GLRA3: variants seen among roughly 807,000 people sequenced by gnomAD.
GLRA3 encodes glycine receptor subunit alpha-3.
GLRA3 carries 44 observed loss-of-function variants against 60.4 expected under a neutral mutation model. The observed-to-expected ratio is 0.73, with a 90% CI of 0.57 to 0.94. The LOEUF (loss-of-function observed/expected upper bound fraction) is 0.94. GLRA3 is among the 40% of genes least tolerant of loss of function. The pLI, the probability that GLRA3 is intolerant of heterozygous loss-of-function variation, is 0.00. For missense variants in GLRA3, 508 were observed against 564.6 expected (o/e 0.90, Z 1.02); for synonymous variants, 223 against 192.9 (o/e 1.16, Z -1.29).
intron 1 of GLRA3, 55 bp from the exon 2 acceptor site, chr4:174,788,998 GT>G (rs1739227827): frequency 8.8e-7 from 1 of 1,139,796 alleles, no homozygotes; most frequent in Non-Finnish European, 1.2e-6. Context: ...TCTAATAATT[GT>G]TACCTACAAA....
chr4:174,661,174 C>G (rs1733420936), intron 7 of GLRA3, among the ~76,000 whole-genome samples: 1 of 152,056 alleles, frequency 6.6e-6, no homozygotes, highest in African/African-American at 2.4e-5. Context: ...CACACACACA[C>G]ACACATATTC....
At chr4:174,700,438 T>C (rs899717441) in intron 5 of GLRA3, among the ~76,000 whole-genome samples, 2 of 152,204 alleles carry the variant, frequency 1.3e-5, no homozygotes, top group African/African-American at 4.8e-5. Flanking sequence ...TATTTGATGT[T>C]ACCATTATAA....
chr4:174,752,713 G>A (rs1463910731), intron 3 of GLRA3, among the ~76,000 whole-genome samples: 1 of 152,076 alleles, frequency 6.6e-6, no homozygotes, highest in Non-Finnish European at 1.5e-5. Flanking sequence ...TAAAGTGAAT[G>A]GGTTTTGCGG....
At chr4:174,687,692 T>C (rs1291770909) in intron 5 of GLRA3, among the ~76,000 whole-genome samples, 1 of 152,188 alleles carries the variant, frequency 6.6e-6, no homozygotes, top group African/African-American at 2.4e-5. Context: ...ATGAGCTTCA[T>C]AGCTTCCCAA....
chr4:174,822,779 AG>A (rs1275682111), intron 1 of GLRA3, among the ~76,000 whole-genome samples: 1 of 152,210 alleles, frequency 6.6e-6, no homozygotes, highest in Non-Finnish European at 1.5e-5. Context: ...GCTTCCATTC[AG>A]TAAGCTTTTT....
chr4:174,706,229 C>G (rs1735516695), intron 5 of GLRA3, among the ~76,000 whole-genome samples: 1 of 130,272 alleles, frequency 7.7e-6, no homozygotes, highest in Non-Finnish European at 1.6e-5. Flanking sequence ...GACTCCGTCT[C>G]AGAAAAAAAA....
At chr4:174,740,549 A>G (rs1736978890) in intron 3 of GLRA3, among the ~76,000 whole-genome samples, 1 of 152,222 alleles carries the variant, frequency 6.6e-6, no homozygotes, top group African/African-American at 2.4e-5. Context: ...CCCTGCCTAT[A>G]TTCCTGATCC....
intron 3 of GLRA3, among the ~76,000 whole-genome samples, chr4:174,738,655 C>T (rs1736891429): frequency 6.6e-6 from 1 of 152,140 alleles, no homozygotes; most frequent in Non-Finnish European, 1.5e-5. Flanking sequence ...TAGTTTTGAT[C>T]TGTTCGGAAT....
At chr4:174,766,934 TG>T (rs1335908829) in intron 3 of GLRA3, 28 bp downstream of exon 3, 4 of 1,235,630 alleles carry the variant, frequency 3.2e-6, no homozygotes, top group Non-Finnish European at 4.7e-6. Flanking sequence ...TACTCTAGTG[TG>T]AAACTTGTTG....
Position 174,794,039 on chromosome 4 carries a change from C to G in GLRA3, c.72-5096G>C, listed in dbSNP as rs1489248646. Reference sequence around the variant, plus strand: ...ATGATAATAATCCCTTTCATTCATGCAAATCATATCTTGCAAAAGTCTGTC... The same window carrying G: ...ATGATAATAATCCCTTTCATTCATGGAAATCATATCTTGCAAAAGTCTGTC... On this transcript the variant is annotated intron_variant, in intron 1 of 9. Coordinates refer to ENST00000274093, the MANE Select transcript of GLRA3 (RefSeq NM_006529.4). 1.3e-5 allele frequency among the ~76,000 whole-genome samples: 2 copies of G among 151,976 alleles called. 1 individual carries two copies. Among genetic ancestry groups the G allele is most frequent in the Non-Finnish European group, 2.9e-5 (2 of 67,986 alleles).
intron 1 of GLRA3, among the ~76,000 whole-genome samples, chr4:174,807,456 G>T (rs900165934): frequency 6.6e-6 from 1 of 151,894 alleles, no homozygotes; most frequent in Non-Finnish European, 1.5e-5. Context: ...AGATGAAAAA[G>T]AAATAATCTA....
At chr4:174,692,305 G>T (rs1473512948) in intron 5 of GLRA3, among the ~76,000 whole-genome samples, 1 of 146,992 alleles carries the variant, frequency 6.8e-6, no homozygotes, top group Non-Finnish European at 1.5e-5. Flanking sequence ...CGCCCCGTCT[G>T]GGAGGGAGGT....
chr4:174,691,831 G>A (rs1416293891), intron 5 of GLRA3, among the ~76,000 whole-genome samples: 4 of 152,002 alleles, frequency 2.6e-5, no homozygotes, highest in Non-Finnish European at 5.9e-5. Flanking sequence ...GGGAAGTGAG[G>A]AGCGTCTCTG....
At chr4:174,746,841 A>C (rs1037403890) in intron 3 of GLRA3, among the ~76,000 whole-genome samples, 2 of 152,160 alleles carry the variant, frequency 1.3e-5, no homozygotes, top group African/African-American at 4.8e-5. Context: ...TAAATATGTA[A>C]ATCATTATAT....
chr4:174,642,930 G>A lies in GLRA3; in HGVS notation c.*856C>T, dbSNP rs1732665751. 1 of 795,200 alleles carries A rather than the reference G, an allele frequency of 1.3e-6. No homozygotes were observed. The highest frequency in any genetic ancestry group is 1.5e-6 in the Non-Finnish European group (1 of 656,956). 49.3% of individuals were successfully genotyped at this position (795,200 alleles called of 1,614,324 possible). ...TAAAAGTCTTACTGAATTTTGTCCT[G>A]TTATATCAAATTATTAAACACAATC... On this transcript the variant is annotated 3_prime_UTR_variant, in exon 10 of 10. Coordinates refer to ENST00000274093, the MANE Select transcript of GLRA3 (RefSeq NM_006529.4).
At chr4:174,694,810 T>TA (rs1307193611) in intron 5 of GLRA3, among the ~76,000 whole-genome samples, 2 of 151,648 alleles carry the variant, frequency 1.3e-5, no homozygotes, top group Non-Finnish European at 2.9e-5. Context: ...AAAACATTAA[T>TA]AAAACATAGG....
intron 3 of GLRA3, among the ~76,000 whole-genome samples, chr4:174,752,414 T>C (rs1737523752): frequency 6.6e-6 from 1 of 152,096 alleles, no homozygotes; most frequent in African/African-American, 2.4e-5. Flanking sequence ...TTACCTCTGG[T>C]AGAAAGTCTT....
At chr4:174,813,773 T>G (rs1020040616) in intron 1 of GLRA3, among the ~76,000 whole-genome samples, 3 of 152,226 alleles carry the variant, frequency 2.0e-5, no homozygotes, top group Admixed American at 2.0e-4. Flanking sequence ...AACTTTTCTT[T>G]GTCATCTTTA....
chr4:174,642,067 T>A lies in GLRA3; in HGVS notation c.*1719A>T. On this transcript the variant is annotated 3_prime_UTR_variant, in exon 10 of 10. Coordinates refer to ENST00000274093, the MANE Select transcript of GLRA3 (RefSeq NM_006529.4). ...CATTTGCACATAATGCCAAACATGA[T>A]ATTATTTCCTTATAGTGTTGTTTTA... 1 of 819,540 alleles carries A rather than the reference T, an allele frequency of 1.2e-6. No individual in the cohort carries two copies. The highest frequency in any genetic ancestry group is 5.6e-5 in the South Asian group (1 of 17,818). The allele number at this position is 819,540 out of a possible 1,614,324, so 50.8% of individuals were successfully genotyped here. A position where few individuals can be genotyped will look rare whatever the true frequency, so the allele number is the denominator to read the frequency against.
Sources: allele counts gnomAD v4.1 joint callset (sites outside exome capture counted in the v4.1 genomes callset), GRCh38; gene constraint gnomAD v4.1.1; transcripts MANE v1.5; gene names NCBI Gene and HGNC (gene_info 2026-07-23, HGNC 2026-07-21).